Variants in SPIDR observed in about 807,000 individuals in gnomAD.
The protein encoded by SPIDR is DNA repair-scaffolding protein.
SPIDR carries 93 observed loss-of-function variants against 104.6 expected under a neutral mutation model. The observed-to-expected ratio is 0.89, with a 90% confidence interval of 0.75 to 1.06. The LOEUF is 1.06. Ranked by LOEUF, SPIDR falls within the 50% of genes least tolerant of loss-of-function variation. The pLI is 0.00. For missense variants in SPIDR, 1,154 were observed against 1,111.2 expected (o/e 1.04, Z -0.55); for synonymous variants, 431 against 416.9 (o/e 1.03, Z -0.41).
chr8:47,415,104 C>T (rs1000229853), intron 7 of SPIDR, among the ~76,000 whole-genome samples: 2 of 152,100 alleles, frequency 1.3e-5, no homozygotes, highest in East Asian at 1.9e-4. Flanking sequence ...AGGGTTTCAC[C>T]GTGTTAGCCA....
chr8:47,378,190 A>G (rs2058893313), intron 5 of SPIDR, among the ~76,000 whole-genome samples: 1 of 152,228 alleles, frequency 6.6e-6, no homozygotes, highest in Non-Finnish European at 1.5e-5. Context: ...ATGTTCTTGC[A>G]TGAATATCAA....
chr8:47,354,526 T>C (rs2054156110), intron 5 of SPIDR, among the ~76,000 whole-genome samples: 2 of 152,184 alleles, frequency 1.3e-5, no homozygotes, highest in Admixed American at 6.5e-5. Context: ...ATATTCTGCC[T>C]TACAACTAGC....
At chr8:47,682,254 C>CA (rs752295991) in intron 11 of SPIDR, among the ~76,000 whole-genome samples, 3,603 of 70,642 alleles carry the variant, frequency 0.051, 92 homozygotes, top group African/African-American at 0.095. Flanking sequence ...ATGCTAAGTC[C>CA]AAAAAAAAAA....
At chr8:47,337,648 A>G (rs1554610624) in intron 5 of SPIDR, among the ~76,000 whole-genome samples, 1 of 129,356 alleles carries the variant, frequency 7.7e-6, no homozygotes, top group Non-Finnish European at 1.6e-5. Context: ...ACCATTGTTT[A>G]AAAAAAAAAA....
intron 8 of SPIDR, among the ~76,000 whole-genome samples, chr8:47,565,103 G>C (rs1046573000): frequency 3.3e-5 from 5 of 152,256 alleles, no homozygotes; most frequent in African/African-American, 1.2e-4. Flanking sequence ...AAAATTAGCT[G>C]GGTGTGGTGG....
chr8:47,544,144 C>T (rs1252058719), intron 8 of SPIDR, among the ~76,000 whole-genome samples: 1 of 151,984 alleles, frequency 6.6e-6, no homozygotes, highest in Non-Finnish European at 1.5e-5. Context: ...ATTTTGCATG[C>T]TAATGGCATC....
intron 8 of SPIDR, among the ~76,000 whole-genome samples, chr8:47,525,773 C>CA (rs748970837): frequency 0.062 from 6,747 of 108,984 alleles, 456 homozygotes; most frequent in Admixed American, 0.23. Flanking sequence ...GACCCTGCCT[C>CA]AAAAAAAAAA....
rs782016959 is a variant in SPIDR, at chr8:47,393,638, TTCTTTTC to T, written c.526-2722_526-2716del. On this transcript the variant is annotated intron_variant, in intron 5 of 19. Coordinates refer to ENST00000297423, the MANE Select transcript of SPIDR (RefSeq NM_001080394.4). Reference sequence around the variant, plus strand: ...CTCTTTTCTTTTCTTTTTTTTTCTTTTCTTTTCTCTTTTCTCTTTTCTTTTCCCTTTC... The same window carrying T: ...CTCTTTTCTTTTCTTTTTTTTTCTTTTCTTTTCTCTTTTCTTTTCCCTTTC... Among the ~76,000 whole-genome samples the T allele has an allele frequency of 3.1e-4, 47 of 151,974 alleles. No homozygotes were observed. The South Asian group carries it at 6.0e-3, about 20-fold the overall frequency.
intron 11 of SPIDR, among the ~76,000 whole-genome samples, chr8:47,688,271 C>T (rs542908041): frequency 9.2e-4 from 140 of 152,138 alleles, no homozygotes; most frequent in African/African-American, 3.2e-3. Flanking sequence ...TACAGGCGCC[C>T]GCCACCATGC....
intron 14 of SPIDR, among the ~76,000 whole-genome samples, chr8:47,704,003 C>T (rs1047221849): frequency 1.3e-5 from 2 of 152,194 alleles, no homozygotes; most frequent in Non-Finnish European, 2.9e-5. Context: ...TATGAAAGTA[C>T]TTTAAGGCTT....
intron 8 of SPIDR, chr8:47,511,233 G>C (rs370749624): frequency 1.3e-6 from 2 of 1,589,004 alleles, no homozygotes; most frequent in African/African-American, 2.7e-5. Flanking sequence ...GCCTCCCACC[G>C]TCTGCAAGCC....
chr8:47,396,108 C>T (rs1430481324), intron 5 of SPIDR, among the ~76,000 whole-genome samples: 1 of 152,044 alleles, frequency 6.6e-6, no homozygotes, highest in African/African-American at 2.4e-5. Context: ...TTGTAGTTTC[C>T]TGAAAGAAGA....
Position 47,385,667 on chromosome 8 carries a change from C to G in SPIDR, c.526-10709C>G, listed in dbSNP as rs550872112. ...TGTATTGGTAGTTTGTATCACGTTTCCTTGGAATGCCTTTTTGCATATTTT... is the reference window on the plus strand; with the variant it reads ...TGTATTGGTAGTTTGTATCACGTTTGCTTGGAATGCCTTTTTGCATATTTT... On this transcript the variant is annotated intron_variant, in intron 5 of 19. Transcript: ENST00000297423. Among the ~76,000 whole-genome samples the G allele has an allele frequency of 6.6e-5, 10 of 152,294 alleles. No individual in the cohort carries two copies. In the East Asian group the frequency reaches 1.9e-3, roughly 29 times the overall value.
chr8:47,696,497 T>C (rs2079355730), intron 11 of SPIDR, among the ~76,000 whole-genome samples: 1 of 152,258 alleles, frequency 6.6e-6, no homozygotes, highest in African/African-American at 2.4e-5. Context: ...AATGGCTCTG[T>C]CTTTGTAAAT....
intron 8 of SPIDR, among the ~76,000 whole-genome samples, chr8:47,468,117 A>C (rs942462472): frequency 1.3e-5 from 2 of 152,212 alleles, no homozygotes; most frequent in Non-Finnish European, 2.9e-5. Context: ...TGCCACAAAA[A>C]GAATAAAATA....
intron 11 of SPIDR, among the ~76,000 whole-genome samples, chr8:47,679,773 A>G (rs1309814553): frequency 1.3e-5 from 2 of 152,242 alleles, no homozygotes; most frequent in African/African-American, 4.8e-5. Flanking sequence ...TGTCAATTGC[A>G]TGCCCAGCCG....
At chr8:47,692,964 A>AC (rs1346063403) in intron 11 of SPIDR, among the ~76,000 whole-genome samples, 1 of 152,200 alleles carries the variant, frequency 6.6e-6, no homozygotes, top group Admixed American at 6.5e-5. Flanking sequence ...GATTGCTGCC[A>AC]CGCAGCTTTC....
chr8:47,598,856 T>C (rs1169197884), intron 9 of SPIDR, 90 bp from the exon 10 acceptor site: 1 of 1,522,174 alleles, frequency 6.6e-7, no homozygotes, highest in Non-Finnish European at 9.0e-7. Context: ...CTTAAGGATG[T>C]CATTATTTGG....
chr8:47,673,402 T>C (rs754948471), intron 10 of SPIDR: 4 of 457,680 alleles, frequency 8.7e-6, no homozygotes, highest in South Asian at 6.2e-5. Flanking sequence ...ACAAAGCAAA[T>C]ATTTCTTTCA....
Sources: allele counts gnomAD v4.1 joint callset (sites outside exome capture counted in the v4.1 genomes callset), GRCh38; gene constraint gnomAD v4.1.1; transcripts MANE v1.5; gene names NCBI Gene and HGNC (gene_info 2026-07-23, HGNC 2026-07-21).